Variants in CSMD1 observed in about 807,000 individuals in gnomAD.
CSMD1 encodes CUB and Sushi multiple domains 1, also known as CUB and sushi domain-containing protein 1.
Under a neutral mutation model 417.5 loss-of-function variants are expected in CSMD1, and 213 were observed. The observed-to-expected ratio is 0.51, with a 90% CI of 0.46 to 0.57. The LOEUF is 0.57. CSMD1 is among the 20% of genes least tolerant of loss of function. CSMD1 has a pLI of 0.00. For missense variants in CSMD1, 6,923 were observed against 4,529.7 expected (o/e 1.53, Z -15.17); for synonymous variants, 2,862 against 1,736.8 (o/e 1.65, Z -16.11).
chr8:4,716,710 A>T (rs1808682153), intron 1 of CSMD1, among the ~76,000 whole-genome samples: 1 of 152,212 alleles, frequency 6.6e-6, no homozygotes, highest in African/African-American at 2.4e-5. Flanking sequence ...ATTCAAGATG[A>T]TTTTAATTTT....
intron 1 of CSMD1, among the ~76,000 whole-genome samples, chr8:4,713,503 G>A (rs1808447072): frequency 6.6e-6 from 1 of 152,208 alleles, no homozygotes; most frequent in South Asian, 2.1e-4. Context: ...CCGGGTTCCA[G>A]TGATTTTCCT....
intron 3 of CSMD1, among the ~76,000 whole-genome samples, chr8:4,305,869 C>G (rs1371855942): frequency 6.6e-6 from 1 of 152,094 alleles, no homozygotes; most frequent in East Asian, 1.9e-4. Flanking sequence ...CCAGTCTTTG[C>G]TTACGTGTGT....
chr8:4,068,328 G>A (rs574212938), intron 3 of CSMD1, among the ~76,000 whole-genome samples: 1 of 152,294 alleles, frequency 6.6e-6, no homozygotes, highest in South Asian at 2.1e-4. Context: ...TGTGAGGCCA[G>A]CATGAGAGTG....
Position 3,812,755 on chromosome 8 carries a change from A to G in CSMD1, c.819-58713T>C, listed in dbSNP as rs142569005. ...CACCACATCTCCCCAAGTCTTGCCT[A>G]TTTTAATTAACCAAGGGTCAATGTA... On this transcript the variant is annotated intron_variant, in intron 5 of 69. Coordinates refer to ENST00000635120, the MANE Select transcript of CSMD1 (RefSeq NM_033225.6). 4.0e-3 allele frequency among the ~76,000 whole-genome samples: 602 copies of G among 152,286 alleles called. 8 individuals carry two copies. Among genetic ancestry groups the G allele is most frequent in the South Asian group, 0.027 (131 of 4,822 alleles).
intron 5 of CSMD1, among the ~76,000 whole-genome samples, chr8:3,760,218 G>A (rs769482420): frequency 6.6e-6 from 1 of 152,150 alleles, no homozygotes; most frequent in Non-Finnish European, 1.5e-5. Context: ...CCATTCAGTG[G>A]GAATGTTGGA....
chr8:4,565,151 G>C (rs956102644), intron 2 of CSMD1, among the ~76,000 whole-genome samples: 1 of 152,178 alleles, frequency 6.6e-6, no homozygotes, highest in Admixed American at 6.5e-5. Context: ...CTCAGCCTCA[G>C]ACTGATTTGA....
At chr8:4,962,207 AG>A (rs201417845) in intron 1 of CSMD1, among the ~76,000 whole-genome samples, 2 of 139,430 alleles carry the variant, frequency 1.4e-5, no homozygotes, top group Admixed American at 7.0e-5. Context: ...TAAAAAAAAA[AG>A]AAAAAAACAA....
intron 5 of CSMD1, among the ~76,000 whole-genome samples, chr8:3,826,325 A>G (rs1453121380): frequency 6.6e-6 from 1 of 152,128 alleles, no homozygotes; most frequent in African/African-American, 2.4e-5. Flanking sequence ...GGGGGCTTGA[A>G]ATGAGCTAAA....
chr8:4,567,513 A>T (rs1798669569), intron 2 of CSMD1, among the ~76,000 whole-genome samples: 1 of 152,164 alleles, frequency 6.6e-6, no homozygotes, highest in Non-Finnish European at 1.5e-5. Flanking sequence ...CCAACTTAGA[A>T]ATCGCAGGTA....
At chr8:3,184,751 T>G (rs1368912531) in intron 36 of CSMD1, among the ~76,000 whole-genome samples, 1 of 152,218 alleles carries the variant, frequency 6.6e-6, no homozygotes, top group Non-Finnish European at 1.5e-5. Context: ...TGGCTGGGAA[T>G]TCCTTTCCTG....
At position 4,224,246 on chromosome 8, in the gene CSMD1, A is replaced by G. The variant is rs114951916; in HGVS notation, c.416-192147T>C. ...AAGGCCTTTTTCAGAAAAAAAAAAT[A>G]ATTTGAAAATGCTTGCACACGTTTT... is the stretch of plus-strand genomic sequence containing the variant. On this transcript the variant is annotated intron_variant, in intron 3 of 69. Transcript: ENST00000635120. Among the ~76,000 whole-genome samples, 426 of 127,966 alleles carry G rather than the reference A, an allele frequency of 3.3e-3. 1 individual carries two copies. Among genetic ancestry groups the G allele is most frequent in the African/African-American group, 0.01 (356 of 34,610 alleles). The allele number at this position is 127,966 out of a possible 152,430, so 84.0% of individuals were successfully genotyped here. A position where few individuals can be genotyped will look rare whatever the true frequency, so the allele number is the denominator to read the frequency against.
At chr8:4,224,496 C>T (rs538287900) in intron 3 of CSMD1, among the ~76,000 whole-genome samples, 2 of 152,256 alleles carry the variant, frequency 1.3e-5, no homozygotes, top group South Asian at 4.1e-4. Context: ...ACTCTCAGTT[C>T]AGTGTCTACT....
intron 1 of CSMD1, among the ~76,000 whole-genome samples, chr8:4,681,063 T>C (rs2130977291): frequency 6.6e-6 from 1 of 152,110 alleles, no homozygotes; most frequent in African/African-American, 2.4e-5. Context: ...AAAAATTAAC[T>C]TGCATTATGG....
chr8:3,315,450 G>GTA (rs1554512199), intron 23 of CSMD1, among the ~76,000 whole-genome samples: 3 of 127,792 alleles, frequency 2.3e-5, no homozygotes, highest in Non-Finnish European at 5.7e-5. Flanking sequence ...GTGTGTGTGT[G>GTA]TGTGTGTGTG....
chr8:3,161,271 TGAC>T (rs1819875414), intron 38 of CSMD1, among the ~76,000 whole-genome samples: 1 of 152,038 alleles, frequency 6.6e-6, no homozygotes, highest in Non-Finnish European at 1.5e-5. Flanking sequence ...AAGAGAAAAA[TGAC>T]TACTCTTGCC....
chr8:3,796,936 A>T (rs1180632536), intron 5 of CSMD1, among the ~76,000 whole-genome samples: 2 of 151,798 alleles, frequency 1.3e-5, no homozygotes, highest in Non-Finnish European at 3.0e-5. Flanking sequence ...GATTTTGGTT[A>T]ATATGTAATG....
chr8:4,471,203 A>C (rs1172619714), intron 2 of CSMD1, among the ~76,000 whole-genome samples: 2 of 152,200 alleles, frequency 1.3e-5, no homozygotes, highest in Non-Finnish European at 2.9e-5. Flanking sequence ...TTATGGAAAA[A>C]CAATCTTAGA....
At chr8:3,005,786 C>T (rs899634556) in intron 52 of CSMD1, among the ~76,000 whole-genome samples, 5 of 151,972 alleles carry the variant, frequency 3.3e-5, no homozygotes, top group Admixed American at 6.6e-5. Flanking sequence ...ATAATAAGAG[C>T]TATCTATGAC....
At chr8:4,377,296 G>A (rs902795773) in intron 3 of CSMD1, among the ~76,000 whole-genome samples, 8 of 152,140 alleles carry the variant, frequency 5.3e-5, no homozygotes, top group Non-Finnish European at 1.0e-4. Flanking sequence ...AAGGGAGGAG[G>A]AGAAGTCACC....
Sources: allele counts gnomAD v4.1 joint callset (sites outside exome capture counted in the v4.1 genomes callset), GRCh38; gene constraint gnomAD v4.1.1; transcripts MANE v1.5; gene names NCBI Gene and HGNC (gene_info 2026-07-23, HGNC 2026-07-21).